The following PCNT variants were observed in gnomAD, a reference collection of about 807,000 sequenced individuals.
PCNT encodes kendrin.
Under a neutral mutation model 380.4 loss-of-function variants are expected in PCNT, and 319 were observed. The ratio of observed to expected loss-of-function variants is 0.84; its 90% CI spans 0.77 to 0.92. The LOEUF (loss-of-function observed/expected upper bound fraction) is 0.92. Among genes scored for constraint, PCNT ranks in the 40% least tolerant of loss-of-function variants. PCNT has a pLI of 0.00. For synonymous variants in PCNT, 1,845 were observed against 1,735.2 expected, an observed-to-expected ratio of 1.06 and a Z score of -1.57; for missense variants, 4,400 against 4,255.3, an observed-to-expected ratio of 1.03 and a Z score of -0.95.
chr21:46,418,392 C>G, intron 31 of PCNT, 86 bp downstream of exon 31: 4 of 868,806 alleles, frequency 4.6e-6, no homozygotes, highest in Non-Finnish European at 7.6e-6. Flanking sequence ...CATCCTTTGC[C>G]TGGTTCTGCG....
At chr21:46,394,239 G>GT (rs911492797) in intron 21 of PCNT, among the ~76,000 whole-genome samples, 5 of 152,180 alleles carry the variant, frequency 3.3e-5, no homozygotes, top group Non-Finnish European at 7.3e-5. Context: ...GTTGCGTGAC[G>GT]CCCCCTTCGC....
intron 39 of PCNT, among the ~76,000 whole-genome samples, chr21:46,436,621 C>G (rs1382407933): frequency 6.6e-6 from 1 of 152,170 alleles, no homozygotes; most frequent in Admixed American, 6.5e-5. Context: ...ACACAGTTCT[C>G]CTTTCTATAC....
intron 18 of PCNT, 77 bp from the exon 19 acceptor site, chr21:46,389,122 C>T (rs1348559853): frequency 1.4e-6 from 2 of 1,450,474 alleles, no homozygotes; most frequent in African/African-American, 2.8e-5. Flanking sequence ...TCTGTGGCTT[C>T]CTTGTCGTCT....
intron 14 of PCNT, among the ~76,000 whole-genome samples, 184 bp downstream of exon 14, chr21:46,364,118 G>A (rs549183809): frequency 2.6e-5 from 4 of 152,340 alleles, no homozygotes; most frequent in East Asian, 1.9e-4. Flanking sequence ...CTTTGTGCTC[G>A]GACGGGCAGG....
At chr21:46,390,210 G>A (rs2085984206) in intron 19 of PCNT, among the ~76,000 whole-genome samples, 1 of 151,546 alleles carries the variant, frequency 6.6e-6, no homozygotes, top group African/African-American at 2.4e-5. Flanking sequence ...CTCCTCAGGA[G>A]GCTGAGGCAG....
At chr21:46,417,340 A>G (rs1370359408) in intron 30 of PCNT, among the ~76,000 whole-genome samples, 2 of 151,738 alleles carry the variant, frequency 1.3e-5, no homozygotes, top group Non-Finnish European at 2.9e-5. Flanking sequence ...GACTACAGGC[A>G]CACGCCACCA....
In PCNT at chr21:46,390,680, C is replaced by T. The variant is rs2086002404; in HGVS notation, c.3851C>T (p.Ala1284Val). 6.2e-7 allele frequency: 1 copy of T among 1,614,098 alleles called. No homozygotes were observed. The highest frequency in any genetic ancestry group is 8.5e-7 in the Non-Finnish European group (1 of 1,179,982). The change falls in exon 20 of 47, where the codon GCA becomes GTA. Residue 1284 changes from alanine (A) to valine (V), a missense_variant. Transcript: ENST00000359568. ...ALDSSRQLEE[A>V]RQIHSRFEKE... ...AATGTGTTTTAACAGCTGGAAGAAG[C>T]ACGCCAAATTCATTCTCGTTTTGAA...
At chr21:46,373,668 G>A (rs1042758853) in intron 15 of PCNT, among the ~76,000 whole-genome samples, 5 of 145,770 alleles carry the variant, frequency 3.4e-5, no homozygotes, top group East Asian at 2.0e-4. Context: ...CTCGTGATCC[G>A]TCCGCCTCAC....
intron 27 of PCNT, 47 bp downstream of exon 27, chr21:46,402,530 G>A (rs1438702311): frequency 1.2e-6 from 2 of 1,607,196 alleles, no homozygotes; most frequent in East Asian, 2.2e-5. Context: ...TGTTGCTTAT[G>A]CCGGTGCCGA....
intron 14 of PCNT, 139 bp from the exon 15 acceptor site, chr21:46,366,445 A>G: frequency 1.3e-6 from 1 of 753,428 alleles, no homozygotes; most frequent in Non-Finnish European, 2.4e-6. Flanking sequence ...AGGGAAAAGT[A>G]GTAAGAGCAG....
chr21:46,405,741 A>G (rs1009434664), intron 27 of PCNT, among the ~76,000 whole-genome samples: 1 of 152,208 alleles, frequency 6.6e-6, no homozygotes, highest in Non-Finnish European at 1.5e-5. Flanking sequence ...TTTTCAGAAG[A>G]AGTTGTATTA....
chr21:46,422,546 C>T (rs911250671), intron 32 of PCNT, among the ~76,000 whole-genome samples: 5 of 152,254 alleles, frequency 3.3e-5, no homozygotes, highest in African/African-American at 1.2e-4. Flanking sequence ...TCCTTGGAAT[C>T]AACCTTGAAG....
chr21:46,406,250 T>TC (rs747083789), intron 27 of PCNT, among the ~76,000 whole-genome samples: 2 of 152,202 alleles, frequency 1.3e-5, no homozygotes, highest in Non-Finnish European at 2.9e-5. Flanking sequence ...ATGTGGGCCC[T>TC]CCCTCCCTGT....
At chr21:46,324,896 G>A (rs1356340798) in intron 1 of PCNT, 34 of 985,416 alleles carry the variant, frequency 3.5e-5, no homozygotes, top group Non-Finnish European at 4.1e-5. Context: ...CGGCGTTGCA[G>A]TCCTTACTGT....
At chr21:46,402,631 G>A (rs1245119369) in intron 27 of PCNT, 148 bp downstream of exon 27, 4 of 782,478 alleles carry the variant, frequency 5.1e-6, no homozygotes, top group Admixed American at 2.1e-5. Flanking sequence ...GAGAGCGCCC[G>A]ATTCTGCCTG....
chr21:46,406,300 A>T (rs1362695797), intron 27 of PCNT, among the ~76,000 whole-genome samples: 2 of 152,116 alleles, frequency 1.3e-5, no homozygotes, highest in Non-Finnish European at 2.9e-5. Context: ...TGTTTCTTTA[A>T]TTTTACCATT....
chr21:46,338,036 G>T (rs2083806928), intron 3 of PCNT, among the ~76,000 whole-genome samples: 1 of 152,048 alleles, frequency 6.6e-6, no homozygotes, highest in Admixed American at 6.6e-5. Flanking sequence ...ACCACACCTG[G>T]CTAAGTTTTG....
intron 27 of PCNT, among the ~76,000 whole-genome samples, chr21:46,406,308 A>G (rs766511190): frequency 6.6e-6 from 1 of 152,058 alleles, no homozygotes; most frequent in Admixed American, 6.6e-5. Context: ...TAATTTTACC[A>G]TTTACTTCTC....
rs973474492 is a variant in PCNT at position 46,391,386 on chromosome 21, G to A, written c.4216+10G>A. 1.0e-5 allele frequency: 16 copies of A among 1,544,424 alleles called. No individual in the cohort carries two copies. The highest frequency in any genetic ancestry group is 5.9e-5 in the Admixed American group (3 of 50,886). ...GAGGCCAGAGAAGCTGGTAAGGAGC[G>A]CGGGCTGTGGAGGGTGGTGCGAGCT... On this transcript the variant is annotated intron_variant, in intron 21 of 46. Coordinates refer to ENST00000359568, the MANE Select transcript of PCNT (RefSeq NM_006031.6).
Sources: gnomAD v4.1 joint callset for allele counts (sites outside exome capture counted in the v4.1 genomes callset) on GRCh38, gnomAD v4.1.1 for gene constraint, MANE v1.5 for transcripts, NCBI Gene and HGNC (gene_info 2026-07-23, HGNC 2026-07-21) for gene names.